The following TFCP2 variants were observed in gnomAD, a reference collection of about 807,000 sequenced individuals.
TFCP2 encodes the protein alpha-globin transcription factor CP2.
A neutral mutation model predicts 73.4 loss-of-function variants in TFCP2; 33 were observed. The observed-to-expected ratio is 0.45, with a 90% confidence interval of 0.34 to 0.60. TFCP2 has a LOEUF of 0.60. Among genes scored for constraint, TFCP2 ranks in the 20% least tolerant of loss-of-function variants. The probability of loss-of-function intolerance (pLI) is 0.01; values close to 1 mark genes in which losing one functional copy is unlikely to be tolerated. For synonymous variants in TFCP2, 193 were observed against 211.6 expected, an observed-to-expected ratio of 0.91 and a Z score of 0.76; for missense variants, 352 against 604.0, an observed-to-expected ratio of 0.58 and a Z score of 4.37.
intron 1 of TFCP2, among the ~76,000 whole-genome samples, chr12:51,170,300 C>T (rs1158480223): frequency 2.0e-5 from 3 of 151,008 alleles, no homozygotes; most frequent in Non-Finnish European, 2.9e-5. Flanking sequence ...ATTTATATAA[C>T]GATAGTATTT....
rs1320633629 is a variant in TFCP2, at chr12:51,095,024, T to G, written c.*217A>C. The G allele has an allele frequency of 1.7e-6, 1 of 603,256 alleles. No homozygotes were observed. The highest frequency in any genetic ancestry group is 1.8e-5 in the African/African-American group (1 of 54,754). The allele number at this position is 603,256 out of a possible 1,614,324, so 37.4% of individuals were successfully genotyped here. On this transcript the variant is annotated 3_prime_UTR_variant, in exon 15 of 15. Coordinates refer to ENST00000257915, the MANE Select transcript of TFCP2 (RefSeq NM_005653.5). ...GGTCCAGAAATTTAACTAAAACAGC[T>G]GCAGAACTGCATATTGGGCAGTAAT...
At chr12:51,136,557 T>C (rs1291356569) in intron 1 of TFCP2, among the ~76,000 whole-genome samples, 1 of 152,142 alleles carries the variant, frequency 6.6e-6, no homozygotes, top group Non-Finnish European at 1.5e-5. Context: ...TAGCAGGTGT[T>C]TTATGCAACT....
chr12:51,110,325 T>C (rs770177460), intron 5 of TFCP2, among the ~76,000 whole-genome samples: 1 of 152,008 alleles, frequency 6.6e-6, no homozygotes, highest in Non-Finnish European at 1.5e-5. Context: ...TCCCAGCACT[T>C]TGGGAGGCCA....
At chr12:51,103,863 C>A in intron 9 of TFCP2, 100 bp from the exon 10 acceptor site, 1 of 960,774 alleles carries the variant, frequency 1.0e-6, no homozygotes, top group East Asian at 2.4e-5. Flanking sequence ...CATACTCAGG[C>A]CTAGTTTGTG....
rs746620174 is a variant in TFCP2 at position 51,172,285 on chromosome 12, G to A, written c.122+16C>T. The A allele has an allele frequency of 4.3e-6, 7 of 1,613,648 alleles. No individual in the cohort carries two copies. The South Asian group carries it at 4.4e-5, about 10-fold the overall frequency. ...TGTTATTCAGAAGGTGTAGGGTCTG[G>A]GAAAATCTCACTCACCTCATGCTAT... On this transcript the variant is annotated intron_variant, in intron 1 of 14. Coordinates refer to ENST00000257915, the MANE Select transcript of TFCP2 (RefSeq NM_005653.5).
intron 1 of TFCP2, among the ~76,000 whole-genome samples, chr12:51,145,565 C>T (rs1208584484): frequency 5.5e-5 from 1 of 18,060 alleles, no homozygotes; most frequent in East Asian, 1.8e-3. Flanking sequence ...GTAAGACTAT[C>T]TCAAAAAAAA....
intron 1 of TFCP2, among the ~76,000 whole-genome samples, chr12:51,121,393 C>T (rs1377808444): frequency 6.7e-6 from 1 of 149,942 alleles, no homozygotes; most frequent in African/African-American, 2.4e-5. Context: ...CACTGAAGCC[C>T]GGGAGACAGA....
intron 1 of TFCP2, among the ~76,000 whole-genome samples, chr12:51,129,116 C>T (rs1273780628): frequency 6.6e-6 from 1 of 152,100 alleles, no homozygotes; most frequent in Non-Finnish European, 1.5e-5. Flanking sequence ...TATCAGGTTT[C>T]ATTAAAAACA....
chr12:51,122,392 G>A (rs1027913966), intron 1 of TFCP2, among the ~76,000 whole-genome samples: 26 of 151,208 alleles, frequency 1.7e-4, no homozygotes, highest in African/African-American at 5.8e-4. Context: ...CCGGGTAGCT[G>A]GGATTACAGG....
chr12:51,099,062 G>A, intron 12 of TFCP2, 144 bp from the exon 13 acceptor site: 2 of 874,856 alleles, frequency 2.3e-6, no homozygotes, highest in Non-Finnish European at 3.5e-6. Context: ...ACTTGCAGCT[G>A]TGTGACCTAG....
At chr12:51,152,307 C>T (rs34498074) in intron 1 of TFCP2, among the ~76,000 whole-genome samples, 25,005 of 152,142 alleles carry the variant, frequency 0.16, 2,410 homozygotes, top group South Asian at 0.26. Context: ...TACAAAATAA[C>T]TACCCTGCAC....
intron 1 of TFCP2, among the ~76,000 whole-genome samples, chr12:51,158,648 C>T (rs1478889541): frequency 6.6e-6 from 1 of 151,806 alleles, no homozygotes; most frequent in Non-Finnish European, 1.5e-5. Context: ...GCCACCATGC[C>T]CAGCTAATTT....
In TFCP2 at chr12:51,141,160, G is replaced by C. The variant is rs183248776; in HGVS notation, c.123-22388C>G. Among the ~76,000 whole-genome samples the C allele has an allele frequency of 1.0e-4, 15 of 150,504 alleles. No individual in the cohort carries two copies. In the East Asian group the frequency reaches 2.9e-3, roughly 29 times the overall value. ...TTGCCTAGGATGGTCTTGAATTTCT[G>C]GGTCTAAGCAATCCTCTCACCTCAG... On this transcript the variant is annotated intron_variant, in intron 1 of 14. Transcript: ENST00000257915.
chr12:51,115,494 C>T (rs1368043071), intron 4 of TFCP2, among the ~76,000 whole-genome samples: 1 of 151,904 alleles, frequency 6.6e-6, no homozygotes, highest in Non-Finnish European at 1.5e-5. Context: ...ATAGTGGTTT[C>T]TAAAAAAAAT....
At chr12:51,145,239 G>C (rs1356136117) in intron 1 of TFCP2, among the ~76,000 whole-genome samples, 1 of 149,996 alleles carries the variant, frequency 6.7e-6, no homozygotes, top group Non-Finnish European at 1.5e-5. Context: ...AAAATTAGCT[G>C]CGTATGGTGG....
intron 1 of TFCP2, among the ~76,000 whole-genome samples, chr12:51,153,887 A>G (rs891105885): frequency 2.6e-5 from 4 of 152,200 alleles, no homozygotes. Context: ...TGTCTTGAAT[A>G]TACACTCAGA....
intron 1 of TFCP2, among the ~76,000 whole-genome samples, chr12:51,143,284 C>T (rs1941227424): frequency 6.6e-6 from 1 of 151,162 alleles, no homozygotes; most frequent in Admixed American, 6.7e-5. Flanking sequence ...CAATATAAAA[C>T]TCTTGATCTT....
intron 1 of TFCP2, among the ~76,000 whole-genome samples, chr12:51,168,804 A>G (rs546720694): frequency 1.6e-5 from 2 of 127,028 alleles, no homozygotes; most frequent in East Asian, 4.8e-4. Context: ...TTTTATTTTT[A>G]TTTCATTTTT....
chr12:51,119,274 C>G (rs760043322), intron 1 of TFCP2, among the ~76,000 whole-genome samples: 14 of 152,216 alleles, frequency 9.2e-5, no homozygotes, highest in Non-Finnish European at 1.6e-4. Context: ...TTGAGATGTT[C>G]CTACAAGCCA....
Sources: allele counts gnomAD v4.1 joint callset (sites outside exome capture counted in the v4.1 genomes callset), GRCh38; gene constraint gnomAD v4.1.1; transcripts MANE v1.5; gene names NCBI Gene and HGNC (gene_info 2026-07-23, HGNC 2026-07-21).